The following TRIM27 variants were observed in gnomAD, a reference collection of about 807,000 sequenced individuals.
TRIM27 encodes zinc finger protein RFP.
TRIM27 carries 12 observed loss-of-function variants against 57.6 expected under a neutral mutation model. The observed-to-expected ratio is 0.21, with a 90% CI of 0.13 to 0.34. The LOEUF (loss-of-function observed/expected upper bound fraction) is 0.34, where lower values mean the gene tolerates loss of function less well. Among genes scored for constraint, TRIM27 ranks in the 10% least tolerant of loss-of-function variants. The pLI is 1.00. For synonymous variants in TRIM27, 266 were observed against 259.0 expected (o/e 1.03, Z -0.26); for missense variants, 403 against 656.8 (o/e 0.61, Z 4.22).
At chr6:28,907,401 A>C in intron 6 of TRIM27, 139 bp from the exon 7 acceptor site, 1 of 794,828 alleles carries the variant, frequency 1.3e-6, no homozygotes, top group Non-Finnish European at 2.2e-6. Flanking sequence ...TCATGCACTA[A>C]TTTTTTCATA....
chr6:28,912,121 T>G (rs1487015329), intron 3 of TRIM27, among the ~76,000 whole-genome samples: 1 of 151,776 alleles, frequency 6.6e-6, no homozygotes, highest in East Asian at 1.9e-4. Flanking sequence ...TTTTTTTTTT[T>G]TTTTGAGACG....
chr6:28,913,139 C>T (rs890284013), intron 3 of TRIM27, among the ~76,000 whole-genome samples: 2 of 151,736 alleles, frequency 1.3e-5, no homozygotes, highest in African/African-American at 4.8e-5. Context: ...CCTGTAATCC[C>T]AGCTACTCGG....
At chr6:28,916,789 G>A (rs1182329998) in intron 3 of TRIM27, among the ~76,000 whole-genome samples, 1 of 152,058 alleles carries the variant, frequency 6.6e-6, no homozygotes. Flanking sequence ...TTGTGCCAGA[G>A]TTTTACACTT....
Position 28,903,967 on chromosome 6 carries a change from T to C in TRIM27, c.*103A>G. 4.5e-6 allele frequency: 4 copies of C among 891,100 alleles called. No individual in the cohort carries two copies. Among genetic ancestry groups the C allele is most frequent in the Non-Finnish European group, 5.4e-6 (3 of 559,804 alleles). 55.2% of individuals were successfully genotyped at this position (891,100 alleles called of 1,614,324 possible). ...TCTCCCACTGCAAGGGCGTGGAACA[T>C]GGTAAGGATACCCAGCTGTGACAGG... On this transcript the variant is annotated 3_prime_UTR_variant, in exon 8 of 8. Transcript: ENST00000377199.
intron 2 of TRIM27, among the ~76,000 whole-genome samples, chr6:28,920,539 G>T (rs992568859): frequency 1.3e-5 from 2 of 152,140 alleles, no homozygotes; most frequent in Middle Eastern, 6.3e-3. Context: ...TGCAATGAAA[G>T]AAACTGGTAC....
chr6:28,904,503 C>T lies in TRIM27; in HGVS notation c.1109G>A (p.Arg370Lys), dbSNP rs141241395. ...TCCCACCTCTACCTCCCAATAATGT[C>T]TCCCGGCGATGAAGCATGGAGAGCC... The part of the protein sequence containing the change: ...VLGSPCFIAG[R>K]HYWEVEVGDK... Residue 370 changes from arginine (R) to lysine (K), a missense_variant, in exon 8 of 8, where the codon AGA becomes AAA. Arg to Lys is a conservative substitution (Grantham distance 26). Transcript: ENST00000377199. The surrounding 1 kb of genome is among the most constrained non-coding windows in gnomAD (Gnocchi z 6.1). The T allele has an allele frequency of 3.8e-4, 618 of 1,612,984 alleles. No homozygotes were observed. The highest frequency in any genetic ancestry group is 6.0e-4 in the Admixed American group (36 of 60,014).
rs532422196 is a variant in TRIM27, at chr6:28,909,966, GA to G, written c.771-879del. On this transcript the variant is annotated intron_variant, in intron 4 of 7. Transcript: ENST00000377199. ...TAAGACGTATCTCATGGTGTTTTGA[GA>G]AATCTACTTAAAAATGTAACATGAC... is the stretch of plus-strand genomic sequence containing the variant. Among the ~76,000 whole-genome samples, 396 of 152,174 alleles carry G rather than the reference GA, an allele frequency of 2.6e-3. 1 individual carries two copies. Among genetic ancestry groups the G allele is most frequent in the African/African-American group, 8.0e-3 (332 of 41,518 alleles).
rs1002129970 is a variant in TRIM27 at position 28,917,830 on chromosome 6, C to CTT, written c.747+2180_747+2181dup. ...CAGTACATGGTTTCTTTCTTCCTTT[C>CTT]TTTTTTTTTTTTTTGGAGACAGGGT... On this transcript the variant is annotated intron_variant, in intron 3 of 7. Coordinates refer to ENST00000377199, the MANE Select transcript of TRIM27 (RefSeq NM_006510.5). Among the ~76,000 whole-genome samples the CTT allele has an allele frequency of 2.0e-4, 29 of 141,472 alleles. No homozygotes were observed. The East Asian group carries it at 4.9e-3, about 24-fold the overall frequency. The allele number at this position is 141,472 out of a possible 152,430, so 92.8% of individuals were successfully genotyped here.
chr6:28,912,042 T>A (rs1773245616), intron 3 of TRIM27, among the ~76,000 whole-genome samples: 1 of 150,418 alleles, frequency 6.6e-6, no homozygotes, highest in Non-Finnish European at 1.5e-5. Context: ...CAGCTTGCTT[T>A]CTTTTTATTA....
At chr6:28,922,194 T>C (rs1774096288) in intron 1 of TRIM27, among the ~76,000 whole-genome samples, 1 of 152,318 alleles carries the variant, frequency 6.6e-6, no homozygotes, top group Admixed American at 6.5e-5. Flanking sequence ...CTTAGCAGCC[T>C]GTGGCTTCAA....
At chr6:28,910,123 G>GAAAAAAAAA (rs9278120) in intron 4 of TRIM27, among the ~76,000 whole-genome samples, 15 of 97,610 alleles carry the variant, frequency 1.5e-4, no homozygotes, top group Non-Finnish European at 2.6e-4. Flanking sequence ...AAAGAAAAAT[G>GAAAAAAAAA]AAAAAAAAAA....
At chr6:28,917,033 T>C (rs1253745812) in intron 3 of TRIM27, among the ~76,000 whole-genome samples, 1 of 152,012 alleles carries the variant, frequency 6.6e-6, no homozygotes, top group Non-Finnish European at 1.5e-5. Flanking sequence ...TCCCAGCTAC[T>C]TGGGAGGCTG....
At chr6:28,909,131 TG>T in intron 4 of TRIM27, 43 bp from the exon 5 acceptor site, 1 of 1,411,858 alleles carries the variant, frequency 7.1e-7, no homozygotes, top group South Asian at 1.2e-5. Context: ...TTTTTTGAGA[TG>T]GAGTTTCGCT....
chr6:28,907,450 G>C, intron 6 of TRIM27, 188 bp from the exon 7 acceptor site: 1 of 717,312 alleles, frequency 1.4e-6, no homozygotes, highest in East Asian at 2.7e-5. Context: ...AGCTTTAAGG[G>C]GAGAGGGATT....
chr6:28,911,662 T>C (rs1308987888), intron 4 of TRIM27, 34 bp downstream of exon 4: 13 of 1,604,534 alleles, frequency 8.1e-6, no homozygotes, highest in Non-Finnish European at 1.1e-5. Context: ...TCTTCTCATA[T>C]TTGATTTAAC....
chr6:28,919,263 G>A (rs931825564), intron 3 of TRIM27, among the ~76,000 whole-genome samples: 1 of 151,922 alleles, frequency 6.6e-6, no homozygotes, highest in Non-Finnish European at 1.5e-5. Context: ...ACCCGCCTCG[G>A]CCCCCCAAAG....
At chr6:28,919,454 G>C (rs1024449260) in intron 3 of TRIM27, among the ~76,000 whole-genome samples, 1 of 152,100 alleles carries the variant, frequency 6.6e-6, no homozygotes, top group African/African-American at 2.4e-5. Context: ...TAATTAATAC[G>C]CACTGAATGA....
Position 28,904,691 on chromosome 6 carries a change from A to G in TRIM27, c.947-26T>C, listed in dbSNP as rs368056887. The G allele has an allele frequency of 8.1e-4, 1,273 of 1,569,924 alleles. 3 individuals carry two copies. Among genetic ancestry groups the G allele is most frequent in the Non-Finnish European group, 9.7e-4 (1,122 of 1,161,360 alleles). ...CTGTAGAGACACAAGGAAGACAGTC[A>G]GCCGTGGGCCAGGAGAGCCTATTTT... On this transcript the variant is annotated intron_variant, in intron 7 of 7. Coordinates refer to ENST00000377199, the MANE Select transcript of TRIM27 (RefSeq NM_006510.5). The surrounding 1 kb of genome is among the most constrained non-coding windows in gnomAD (Gnocchi z 6.1).
rs1444948450 is a variant in TRIM27, at chr6:28,903,951, G to C, written c.*119C>G. The C allele has an allele frequency of 9.1e-6, 7 of 765,818 alleles. No individual in the cohort carries two copies. 47.4% of individuals were successfully genotyped at this position (765,818 alleles called of 1,614,324 possible). On this transcript the variant is annotated 3_prime_UTR_variant, in exon 8 of 8. Coordinates refer to ENST00000377199, the MANE Select transcript of TRIM27 (RefSeq NM_006510.5). ...GAACATGGACATCCTGTCTCCCACT[G>C]CAAGGGCGTGGAACATGGTAAGGAT...
Sources: gnomAD v4.1 joint callset for allele counts (sites outside exome capture counted in the v4.1 genomes callset) on GRCh38, gnomAD v4.1.1 for gene constraint, Gnocchi (gnomAD v3.1) non-coding constraint, MANE v1.5 for transcripts, NCBI Gene and HGNC (gene_info 2026-07-23, HGNC 2026-07-21) for gene names.